The following KANSL1 variants were observed in gnomAD, a reference collection of about 807,000 sequenced individuals.
KANSL1 encodes KAT8 regulatory NSL complex subunit 1, also known as MLL1/MLL complex subunit KANSL1.
KANSL1 carries 22 observed loss-of-function variants against 103.6 expected under a neutral mutation model. The ratio of observed to expected loss-of-function variants is 0.21; its 90% CI spans 0.15 to 0.30. The LOEUF is 0.30. Ranked by LOEUF, KANSL1 falls within the 10% of genes least tolerant of loss-of-function variation. KANSL1 has a pLI of 1.00. For synonymous variants in KANSL1, 600 were observed against 527.6 expected (o/e 1.14, Z -1.88); for missense variants, 1,337 against 1,399.8 (o/e 0.96, Z 0.72).
chr17:46,094,676 C>T lies in KANSL1; in HGVS notation c.1315G>A (p.Ala439Thr). 1.9e-6 allele frequency: 3 copies of T among 1,614,160 alleles called. No homozygotes were observed. Among genetic ancestry groups the T allele is most frequent in the East Asian group, 2.2e-5 (1 of 44,880 alleles). ...CTGACAATAGCTGCCCGGTCTGCAG[C>T]CCATTTCCATTCTGACCTGCGTCTC... ...PLRRRSEWKWAADRAAIVSRW... is the reference protein window; with the variant it reads ...PLRRRSEWKWTADRAAIVSRW... The change falls in exon 3 of 15, where the codon GCT (alanine) becomes ACT (threonine). Residue 439 changes from alanine to threonine, a missense_variant. Ala to Thr is a moderately conservative substitution (Grantham distance 58). Coordinates refer to ENST00000432791, the MANE Select transcript of KANSL1 (RefSeq NM_015443.4).
chr17:46,210,429 C>T (rs1278181964), intron 1 of KANSL1, among the ~76,000 whole-genome samples: 10 of 7,778 alleles, frequency 1.3e-3, no homozygotes, highest in Non-Finnish European at 2.7e-4. Context: ...GCCGAGATCG[C>T]ACCACTGCAC....
intron 2 of KANSL1, among the ~76,000 whole-genome samples, chr17:46,163,717 C>T (rs2045862703): frequency 6.6e-6 from 1 of 152,200 alleles, no homozygotes; most frequent in Non-Finnish European, 1.5e-5. Flanking sequence ...TATGATGATC[C>T]CTCCCGTCAT....
chr17:46,131,654 A>G (rs1007975533), intron 2 of KANSL1, among the ~76,000 whole-genome samples: 1 of 152,206 alleles, frequency 6.6e-6, no homozygotes, highest in African/African-American at 2.4e-5. Context: ...CCACATCCTC[A>G]AGAAGCTTAT....
chr17:46,076,260 C>A (rs62060843), intron 4 of KANSL1, among the ~76,000 whole-genome samples: 2 of 151,472 alleles, frequency 1.3e-5, no homozygotes. Context: ...TTTGGGAGGC[C>A]GAGGCAGGCG....
At chr17:46,156,589 G>T (rs574547336) in intron 2 of KANSL1, among the ~76,000 whole-genome samples, 78 of 152,292 alleles carry the variant, frequency 5.1e-4, no homozygotes, top group Middle Eastern at 3.4e-3. Context: ...CCTAATTCTT[G>T]TTTTTTAATT....
chr17:46,050,308 G>C (rs764330796), intron 7 of KANSL1: 3 of 570,804 alleles, frequency 5.3e-6, no homozygotes, highest in Non-Finnish European at 9.3e-6. Context: ...CTAGCTACTT[G>C]AAGAGTTAGA....
intron 2 of KANSL1, among the ~76,000 whole-genome samples, chr17:46,130,309 T>A (rs2043800795): frequency 6.6e-6 from 1 of 152,132 alleles, no homozygotes; most frequent in Admixed American, 6.5e-5. Context: ...ATTTTCCCTT[T>A]AAGTGTTTCC....
chr17:46,104,542 G>C (rs2042449397), intron 2 of KANSL1, among the ~76,000 whole-genome samples: 2 of 152,164 alleles, frequency 1.3e-5, no homozygotes, highest in African/African-American at 4.8e-5. Context: ...TGTTTTAACT[G>C]TAAGACAATT....
In KANSL1 at chr17:46,031,482, G is replaced by A. The variant is rs1241193511; in HGVS notation, c.3312C>T (p.His1104=). 3 of 1,604,666 alleles carry A rather than the reference G, an allele frequency of 1.9e-6. No individual in the cohort carries two copies. Among genetic ancestry groups the A allele is most frequent in the African/African-American group, 2.7e-5 (2 of 74,834 alleles). The change falls in exon 15 of 15, where the codon CAC becomes CAT. Residue 1104 remains histidine (H), a synonymous_variant. Coordinates refer to ENST00000432791, the MANE Select transcript of KANSL1 (RefSeq NM_015443.4). ...TTAGATGGCTGTCTCCCGCTCATCT[G>A]TGAGTCGGGCGCTGAGCTGTGGCTG... The part of the protein sequence containing the change: ...VAAATAQRPT[H]R
chr17:46,122,177 A>T (rs1285696144), intron 2 of KANSL1, among the ~76,000 whole-genome samples: 1 of 152,328 alleles, frequency 6.6e-6, no homozygotes, highest in Admixed American at 6.5e-5. Flanking sequence ...ATTCTCAACA[A>T]ATCAGTAACT....
intron 1 of KANSL1, among the ~76,000 whole-genome samples, chr17:46,185,407 T>C (rs2046974368): frequency 6.6e-6 from 1 of 152,216 alleles, no homozygotes; most frequent in African/African-American, 2.4e-5. Flanking sequence ...TAGGAAACTT[T>C]TTAACTACAC....
At chr17:46,033,244 C>G (rs1568367588) in intron 12 of KANSL1, 52 bp from the exon 13 acceptor site, 1 of 1,471,392 alleles carries the variant, frequency 6.8e-7, no homozygotes. Flanking sequence ...AGTTAAGAAC[C>G]AGTCCCACCC....
At chr17:46,144,215 G>A (rs1485791349) in intron 2 of KANSL1, among the ~76,000 whole-genome samples, 2 of 152,314 alleles carry the variant, frequency 1.3e-5, no homozygotes, top group Non-Finnish European at 2.9e-5. Context: ...CATTACTTGC[G>A]AGACCAGGTG....
chr17:46,178,746 G>A (rs1322973037), intron 1 of KANSL1, among the ~76,000 whole-genome samples: 1 of 152,198 alleles, frequency 6.6e-6, no homozygotes, highest in Non-Finnish European at 1.5e-5. Context: ...ACAACGTATT[G>A]CATCATACTG....
intron 4 of KANSL1, among the ~76,000 whole-genome samples, chr17:46,078,981 C>A (rs1320990355): frequency 6.6e-6 from 1 of 152,172 alleles, no homozygotes; most frequent in Non-Finnish European, 1.5e-5. Flanking sequence ...CCTCAGCTAG[C>A]CTTACACCTT....
intron 3 of KANSL1, among the ~76,000 whole-genome samples, chr17:46,089,874 C>T (rs1440342966): frequency 2.0e-5 from 3 of 152,192 alleles, no homozygotes; most frequent in Admixed American, 6.5e-5. Context: ...TCAAAAACTT[C>T]TATTAATTAT....
chr17:46,123,356 G>A (rs8075279), intron 2 of KANSL1, among the ~76,000 whole-genome samples: 8,397 of 152,172 alleles, frequency 0.055, 753 homozygotes, highest in African/African-American at 0.19. Flanking sequence ...CAGCCTGGGC[G>A]GCAGAGCGAG....
At chr17:46,219,872 G>T (rs1440293524) in intron 1 of KANSL1, among the ~76,000 whole-genome samples, 1 of 152,214 alleles carries the variant, frequency 6.6e-6, no homozygotes, top group African/African-American at 2.4e-5. Flanking sequence ...GGGAGGCCGA[G>T]TTGGGCGGAT....
chr17:46,175,654 A>G (rs1159869249), intron 1 of KANSL1, among the ~76,000 whole-genome samples: 5 of 152,088 alleles, frequency 3.3e-5, no homozygotes, highest in East Asian at 1.9e-4. Context: ...CTGGCCTCAT[A>G]TAATTATTAA....
Sources: gnomAD v4.1 joint callset for allele counts (sites outside exome capture counted in the v4.1 genomes callset) on GRCh38, gnomAD v4.1.1 for gene constraint, MANE v1.5 for transcripts, NCBI Gene and HGNC (gene_info 2026-07-23, HGNC 2026-07-21) for gene names.